LRRC49: variants seen among roughly 807,000 people sequenced by gnomAD.
The protein encoded by LRRC49 is leucine-rich repeat-containing protein 49.
In LRRC49, 50 loss-of-function variants were observed where a neutral mutation model predicts 83.3. That is an observed-to-expected ratio of 0.60 (90% confidence interval 0.48 to 0.76). LRRC49 has a LOEUF of 0.76. Among genes scored for constraint, LRRC49 ranks in the 30% least tolerant of loss-of-function variants. The pLI is 0.00. For missense variants in LRRC49, 704 were observed against 809.1 expected (o/e 0.87, Z 1.58); for synonymous variants, 286 against 283.3 (o/e 1.01, Z -0.10).
chr15:70,953,060 G>T (rs890887764), intron 8 of LRRC49, among the ~76,000 whole-genome samples: 3 of 152,168 alleles, frequency 2.0e-5, no homozygotes, highest in African/African-American at 7.2e-5. Flanking sequence ...ACCATAGTCA[G>T]TTGGTTTGTG....
intron 4 of LRRC49, among the ~76,000 whole-genome samples, chr15:70,901,496 C>T (rs1455953174): frequency 6.6e-6 from 1 of 152,104 alleles, no homozygotes; most frequent in African/African-American, 2.4e-5. Context: ...TCCCCTCTGC[C>T]TGGAATGCTG....
intron 1 of LRRC49, among the ~76,000 whole-genome samples, chr15:70,857,741 G>A (rs1416253990): frequency 6.6e-6 from 1 of 152,178 alleles, no homozygotes; most frequent in Non-Finnish European, 1.5e-5. Context: ...GGGAGGCACA[G>A]CCAGTGAAAA....
At chr15:70,941,546 C>T (rs74021909) in intron 8 of LRRC49, among the ~76,000 whole-genome samples, 2,062 of 150,156 alleles carry the variant, frequency 0.014, 54 homozygotes, top group African/African-American at 0.048. Context: ...CAATGTACAA[C>T]GTAATGGGGA....
intron 11 of LRRC49, among the ~76,000 whole-genome samples, chr15:70,990,859 G>A (rs537543818): frequency 5.9e-5 from 9 of 152,222 alleles, no homozygotes; most frequent in East Asian, 5.8e-4. Flanking sequence ...CTCTGATCCC[G>A]CCCTAGCTAA....
intron 11 of LRRC49, among the ~76,000 whole-genome samples, chr15:71,007,442 C>T (rs78168699): frequency 0.026 from 4,005 of 151,516 alleles, 181 homozygotes; most frequent in African/African-American, 0.092. Context: ...CAAATAAGAG[C>T]GAGACACTAA....
intron 10 of LRRC49, among the ~76,000 whole-genome samples, chr15:70,981,099 A>G (rs754086749): frequency 6.6e-6 from 1 of 152,164 alleles, no homozygotes; most frequent in Admixed American, 6.5e-5. Context: ...AGCATGGGGA[A>G]TCAGGAGACC....
chr15:70,871,500 G>C (rs2033035949), intron 1 of LRRC49, among the ~76,000 whole-genome samples: 1 of 152,194 alleles, frequency 6.6e-6, no homozygotes, highest in African/African-American at 2.4e-5. Context: ...GCCGGGCAGA[G>C]GGGCTCCTCA....
At chr15:70,880,200 G>T (rs772113812) in intron 2 of LRRC49, among the ~76,000 whole-genome samples, 9 of 152,086 alleles carry the variant, frequency 5.9e-5, no homozygotes, top group Non-Finnish European at 1.0e-4. Flanking sequence ...CCTCAGAGAG[G>T]TCTTTTCTGA....
At chr15:70,950,782 T>C (rs938400203) in intron 8 of LRRC49, among the ~76,000 whole-genome samples, 7 of 152,216 alleles carry the variant, frequency 4.6e-5, no homozygotes, top group African/African-American at 1.7e-4. Flanking sequence ...TACTTGTCAA[T>C]TTTTTGTTTT....
rs116748754 is a variant in LRRC49, at chr15:70,938,827, C to T, written c.773+2005C>T. Among the ~76,000 whole-genome samples the T allele has an allele frequency of 4.8e-3, 729 of 152,212 alleles. 9 individuals carry two copies. The highest frequency in any genetic ancestry group is 0.017 in the African/African-American group (708 of 41,534). ...TTGTACCTTTATTTTAAAAATGCAG[C>T]TGACTTAAAAATACCAGTGGTCTGT... is the stretch of plus-strand genomic sequence containing the variant. On this transcript the variant is annotated intron_variant, in intron 8 of 15. Coordinates refer to ENST00000260382, the MANE Select transcript of LRRC49 (RefSeq NM_017691.5).
chr15:70,902,204 C>T (rs2034114739), intron 4 of LRRC49, among the ~76,000 whole-genome samples: 2 of 152,046 alleles, frequency 1.3e-5, no homozygotes, highest in African/African-American at 4.8e-5. Flanking sequence ...TTCTCTTGAT[C>T]TTTGAAAGAC....
chr15:70,927,893 C>T (rs1269944484), intron 7 of LRRC49, among the ~76,000 whole-genome samples: 1 of 152,142 alleles, frequency 6.6e-6, no homozygotes, highest in Non-Finnish European at 1.5e-5. Context: ...AGTGATCCTC[C>T]CATCTTGGCC....
At chr15:70,972,073 T>G (rs557875773) in intron 9 of LRRC49, among the ~76,000 whole-genome samples, 87 of 152,352 alleles carry the variant, frequency 5.7e-4, no homozygotes, top group African/African-American at 2.0e-3. Flanking sequence ...AGTTTCTTCA[T>G]AGTGTCGATG....
chr15:70,928,617 G>A (rs1320908765), intron 7 of LRRC49, among the ~76,000 whole-genome samples: 1 of 151,250 alleles, frequency 6.6e-6, no homozygotes, highest in Non-Finnish European at 1.5e-5. Flanking sequence ...GCCTATGCTG[G>A]AGTGCAATTG....
At chr15:70,920,860 A>G (rs543100122) in intron 7 of LRRC49, among the ~76,000 whole-genome samples, 1 of 152,288 alleles carries the variant, frequency 6.6e-6, no homozygotes, top group African/African-American at 2.4e-5. Flanking sequence ...ATATGGACAA[A>G]TAAACTTCAT....
chr15:70,855,196 G>A (rs1317059934), intron 1 of LRRC49, among the ~76,000 whole-genome samples: 3 of 151,992 alleles, frequency 2.0e-5, no homozygotes, highest in African/African-American at 4.8e-5. Flanking sequence ...TTAGCTGGAC[G>A]TGGTGGCACG....
chr15:70,892,248 G>A (rs2033611596), upstream of LRRC49: 1 of 1,581,020 alleles, frequency 6.3e-7, no homozygotes, highest in Non-Finnish European at 8.6e-7. Context: ...TTGCCGCAGT[G>A]GGCGGCCACA....
Position 70,973,093 on chromosome 15 carries a change from G to A in LRRC49, c.922-7008G>A, listed in dbSNP as rs183427442. 2.3e-4 allele frequency among the ~76,000 whole-genome samples: 35 copies of A among 152,222 alleles called. No homozygotes were observed. In the East Asian group the frequency reaches 3.1e-3, roughly 13 times the overall value. ...GGTTTTTGGAATTTTCAACCTTTTTGTGCTGGTTTTTCCTCATCTTCGTGG... is the reference window on the plus strand; with the variant it reads ...GGTTTTTGGAATTTTCAACCTTTTTATGCTGGTTTTTCCTCATCTTCGTGG... On this transcript the variant is annotated intron_variant, in intron 9 of 15. Transcript: ENST00000260382.
intron 14 of LRRC49, among the ~76,000 whole-genome samples, chr15:71,019,751 C>T (rs900546900): frequency 6.6e-6 from 1 of 152,178 alleles, no homozygotes; most frequent in Non-Finnish European, 1.5e-5. Context: ...AGCCTGAATT[C>T]ATAACACATA....
Sources: gnomAD v4.1 joint callset for allele counts (sites outside exome capture counted in the v4.1 genomes callset) on GRCh38, gnomAD v4.1.1 for gene constraint, MANE v1.5 for transcripts, NCBI Gene and HGNC (gene_info 2026-07-23, HGNC 2026-07-21) for gene names.